The following ATF7IP2 variants were observed in gnomAD, a reference collection of about 807,000 sequenced individuals.
ATF7IP2 encodes the protein activating transcription factor 7-interacting protein 2.
Under a neutral mutation model 64.2 loss-of-function variants are expected in ATF7IP2, and 42 were observed. The ratio of observed to expected loss-of-function variants is 0.65; its 90% CI spans 0.51 to 0.85. The LOEUF is 0.85. ATF7IP2 is among the 40% of genes least tolerant of loss of function. The pLI is 0.00. For synonymous variants in ATF7IP2, 308 were observed against 272.8 expected (o/e 1.13, Z -1.27); for missense variants, 933 against 784.2 (o/e 1.19, Z -2.27).
chr16:10,419,431 T>C (rs1172898337), intron 2 of ATF7IP2, 150 bp from the exon 3 acceptor site: 1 of 156,072 alleles, frequency 6.4e-6, no homozygotes, highest in African/African-American at 2.4e-5. Flanking sequence ...TTACAGGCCA[T>C]AGAAGTGGTG....
At chr16:10,472,730 C>A (rs1010682802) in intron 10 of ATF7IP2, among the ~76,000 whole-genome samples, 4 of 151,930 alleles carry the variant, frequency 2.6e-5, no homozygotes, top group African/African-American at 9.7e-5. Context: ...GTGGCAGGTG[C>A]CTGTAATCCC....
chr16:10,475,722 G>GAAAAAAAAAAAAAAAAA (rs386384218), intron 12 of ATF7IP2, among the ~76,000 whole-genome samples: 9 of 41,624 alleles, frequency 2.2e-4, no homozygotes, highest in African/African-American at 4.8e-4. Flanking sequence ...TAAGAAGCCA[G>GAAAAAAAAAAAAAAAAA]AAAAAAAAAA....
chr16:10,416,240 A>G (rs1042932175), intron 2 of ATF7IP2, among the ~76,000 whole-genome samples: 1 of 152,244 alleles, frequency 6.6e-6, no homozygotes, highest in Admixed American at 6.5e-5. Flanking sequence ...AAAATGTGGT[A>G]CATATACACA....
At chr16:10,458,610 G>A (rs1471866444) in intron 9 of ATF7IP2, among the ~76,000 whole-genome samples, 1 of 152,140 alleles carries the variant, frequency 6.6e-6, no homozygotes, top group Admixed American at 6.6e-5. Flanking sequence ...GGCTTTAATG[G>A]TGAGTTTTAT....
At chr16:10,427,952 AAAG>A (rs201950697) in intron 3 of ATF7IP2, among the ~76,000 whole-genome samples, 2,242 of 152,276 alleles carry the variant, frequency 0.015, 34 homozygotes, top group Non-Finnish European at 0.023. Context: ...ATTACAGTGC[AAAG>A]AAGAACACGA....
chr16:10,438,542 C>T (rs1222287558), intron 7 of ATF7IP2, among the ~76,000 whole-genome samples: 15 of 151,952 alleles, frequency 9.9e-5, no homozygotes, highest in Admixed American at 9.2e-4. Flanking sequence ...CGTGCGTCAC[C>T]ACACCTGGCC....
chr16:10,422,913 G>C (rs2048014252), intron 3 of ATF7IP2, among the ~76,000 whole-genome samples: 1 of 152,194 alleles, frequency 6.6e-6, no homozygotes, highest in African/African-American at 2.4e-5. Flanking sequence ...ATTGTAATCT[G>C]AATTAATGAC....
intron 1 of ATF7IP2, among the ~76,000 whole-genome samples, chr16:10,393,922 G>A (rs1238491654): frequency 6.6e-6 from 1 of 152,182 alleles, no homozygotes; most frequent in Non-Finnish European, 1.5e-5. Context: ...CATACGTGTA[G>A]TCCCAGCTGC....
chr16:10,451,926 G>A (rs570453217), intron 8 of ATF7IP2, among the ~76,000 whole-genome samples: 22 of 152,098 alleles, frequency 1.4e-4, no homozygotes, highest in South Asian at 6.2e-4. Flanking sequence ...GGTGGTGCAC[G>A]CCTGTAGTCC....
chr16:10,413,512 T>G (rs1183368774), intron 1 of ATF7IP2, among the ~76,000 whole-genome samples: 3 of 152,200 alleles, frequency 2.0e-5, no homozygotes, highest in Non-Finnish European at 4.4e-5. Flanking sequence ...AGCATGAAAA[T>G]GGACTAATAC....
intron 1 of ATF7IP2, among the ~76,000 whole-genome samples, chr16:10,389,795 A>G (rs762064668): frequency 2.6e-5 from 4 of 152,230 alleles, no homozygotes; most frequent in South Asian, 2.1e-4. Flanking sequence ...TCAGAATTCT[A>G]TTAGCATTCA....
intron 9 of ATF7IP2, among the ~76,000 whole-genome samples, chr16:10,463,184 G>C (rs2049432162): frequency 6.6e-6 from 1 of 152,084 alleles, no homozygotes; most frequent in Non-Finnish European, 1.5e-5. Flanking sequence ...CTAATTTTGT[G>C]TTTGATTACT....
intron 12 of ATF7IP2, among the ~76,000 whole-genome samples, chr16:10,478,931 C>G (rs914912329): frequency 2.6e-5 from 4 of 152,084 alleles, no homozygotes; most frequent in African/African-American, 9.7e-5. Flanking sequence ...CAGAGGAATG[C>G]AAATCAAAAC....
chr16:10,408,647 T>C (rs2047690496), intron 1 of ATF7IP2, among the ~76,000 whole-genome samples: 1 of 152,220 alleles, frequency 6.6e-6, no homozygotes, highest in Admixed American at 6.5e-5. Context: ...TTTTGAGAAT[T>C]GCCTGTTCAT....
intron 7 of ATF7IP2, 45 bp from the exon 8 acceptor site, chr16:10,440,319 A>G (rs757147341): frequency 6.2e-6 from 6 of 971,126 alleles, no homozygotes; most frequent in African/African-American, 3.3e-5. Flanking sequence ...TATGTGATAT[A>G]TAGTACTCTG....
intron 6 of ATF7IP2, 55 bp from the exon 7 acceptor site, chr16:10,438,046 A>T: frequency 7.2e-7 from 1 of 1,397,338 alleles, no homozygotes; most frequent in Non-Finnish European, 9.5e-7. Context: ...TAGAAAGTAA[A>T]ATTGCTTTTA....
At chr16:10,400,099 G>A (rs571312343) in intron 1 of ATF7IP2, among the ~76,000 whole-genome samples, 4 of 152,112 alleles carry the variant, frequency 2.6e-5, no homozygotes, top group Non-Finnish European at 4.4e-5. Context: ...GGAGTACAGC[G>A]GCACAATCTC....
intron 8 of ATF7IP2, among the ~76,000 whole-genome samples, chr16:10,452,232 CT>C (rs1190778614): frequency 6.6e-6 from 1 of 152,152 alleles, no homozygotes; most frequent in Non-Finnish European, 1.5e-5. Context: ...CCTTTTTGGG[CT>C]GGTTTCTCCC....
chr16:10,424,126 A>G (rs1454089234), intron 3 of ATF7IP2, among the ~76,000 whole-genome samples: 4 of 152,264 alleles, frequency 2.6e-5, no homozygotes, highest in African/African-American at 7.2e-5. Context: ...TAAGGCACAG[A>G]TCACTCATGC....
Sources: allele counts gnomAD v4.1 joint callset (sites outside exome capture counted in the v4.1 genomes callset), GRCh38; gene constraint gnomAD v4.1.1; transcripts MANE v1.5; gene names NCBI Gene and HGNC (gene_info 2026-07-23, HGNC 2026-07-21).